KCNN2: variants seen among roughly 807,000 people sequenced by gnomAD.
KCNN2 encodes the protein potassium calcium-activated channel subfamily N member 2.
Under a neutral mutation model 55.5 loss-of-function variants are expected in KCNN2, and 24 were observed. That is an observed-to-expected ratio of 0.43 (90% CI 0.31 to 0.61). KCNN2 has a LOEUF of 0.61. KCNN2 is among the 20% of genes least tolerant of loss of function. The pLI is 0.08. For synonymous variants in KCNN2, 431 were observed against 336.1 expected (o/e 1.28, Z -3.09); for missense variants, 754 against 853.6 (o/e 0.88, Z 1.45).
chr5:114,159,074 T>C (rs1042788401), intron 1 of KCNN2, among the ~76,000 whole-genome samples: 1 of 152,194 alleles, frequency 6.6e-6, no homozygotes, highest in African/African-American at 2.4e-5. Flanking sequence ...GCATCCTGTC[T>C]TGTGCCAGTT....
At chr5:114,477,001 A>G (rs1761996066) in intron 5 of KCNN2, among the ~76,000 whole-genome samples, 1 of 152,246 alleles carries the variant, frequency 6.6e-6, no homozygotes, top group Non-Finnish European at 1.5e-5. Flanking sequence ...AACTTTTAAA[A>G]TAATTCTAAA....
intron 2 of KCNN2, among the ~76,000 whole-genome samples, chr5:114,354,091 T>C: frequency 6.6e-6 from 1 of 151,998 alleles, no homozygotes; most frequent in East Asian, 1.9e-4. Flanking sequence ...TCTGAGGTGC[T>C]GGGGGTTTTC....
At chr5:114,166,990 C>A (rs1417267246) in intron 1 of KCNN2, among the ~76,000 whole-genome samples, 1 of 152,166 alleles carries the variant, frequency 6.6e-6, no homozygotes, top group East Asian at 1.9e-4. Flanking sequence ...TAATCTTAGA[C>A]TTTCCAGCCT....
intron 2 of KCNN2, among the ~76,000 whole-genome samples, chr5:114,375,504 A>G (rs1473129132): frequency 1.3e-5 from 2 of 152,202 alleles, no homozygotes; most frequent in Non-Finnish European, 2.9e-5. Context: ...AAGGTAAATC[A>G]TCTGTCACTT....
intron 1 of KCNN2, among the ~76,000 whole-genome samples, chr5:114,075,439 A>G (rs550255601): frequency 5.6e-4 from 86 of 152,360 alleles, no homozygotes; most frequent in African/African-American, 2.0e-3. Flanking sequence ...CTGAAGACTC[A>G]CAAATTTCAT....
chr5:114,226,080 G>A (rs919747661), intron 2 of KCNN2, among the ~76,000 whole-genome samples: 3 of 151,982 alleles, frequency 2.0e-5, no homozygotes, highest in Non-Finnish European at 4.4e-5. Context: ...GAAGAGCAGA[G>A]TGGGAAATAC....
At chr5:114,228,324 C>T (rs1226974171) in intron 2 of KCNN2, among the ~76,000 whole-genome samples, 2 of 151,866 alleles carry the variant, frequency 1.3e-5, no homozygotes, top group Non-Finnish European at 2.9e-5. Context: ...TATGTAACAG[C>T]ATGTAGAGTA....
intron 3 of KCNN2, among the ~76,000 whole-genome samples, chr5:114,448,792 A>G (rs556642381): frequency 6.6e-6 from 1 of 152,330 alleles, no homozygotes; most frequent in East Asian, 1.9e-4. Flanking sequence ...TCTACGTAGG[A>G]ATTTTCATTT....
intron 2 of KCNN2, among the ~76,000 whole-genome samples, chr5:114,234,075 T>C (rs1269884359): frequency 3.3e-5 from 5 of 152,156 alleles, no homozygotes; most frequent in African/African-American, 1.2e-4. Context: ...ATTTGATTTT[T>C]TCCTCACCTA....
At chr5:114,298,274 G>A (rs1284828807) in intron 2 of KCNN2, among the ~76,000 whole-genome samples, 1 of 152,228 alleles carries the variant, frequency 6.6e-6, no homozygotes, top group African/African-American at 2.4e-5. Flanking sequence ...AGTACTCTCA[G>A]TTGGAGGACC....
Position 114,131,435 on chromosome 5 carries a change from C to T in KCNN2, c.-271+74935C>T, listed in dbSNP as rs1037072487. On this transcript the variant is annotated intron_variant, in intron 1 of 10. Transcript: ENST00000512097. ...GAGGATAATGACTTCCAGCTCCTTC[C>T]ATGTCTCTGCAAAGTACATAATCTA... Among the ~76,000 whole-genome samples the T allele has an allele frequency of 2.0e-5, 3 of 152,278 alleles. No homozygotes were observed. The South Asian group carries it at 6.2e-4, about 32-fold the overall frequency.
At chr5:114,349,138 A>T (rs1017258515) in intron 2 of KCNN2, among the ~76,000 whole-genome samples, 3 of 152,076 alleles carry the variant, frequency 2.0e-5, no homozygotes, top group Non-Finnish European at 4.4e-5. Context: ...TATTCTGGAC[A>T]TTTCCTATAT....
rs1278058551 is a variant in KCNN2, at chr5:114,123,403, C to T, written c.-271+66903C>T. On this transcript the variant is annotated intron_variant, in intron 1 of 10. Coordinates refer to the KCNN2 transcript ENST00000512097. ...TTTGAGACAGAGTCTCGCTCTGTTG[C>T]CCAGGCTGGAGTGCAGTGGCGCGAT... is the stretch of plus-strand genomic sequence containing the variant. 5.4e-5 allele frequency among the ~76,000 whole-genome samples: 3 copies of T among 55,314 alleles called. 1 individual carries two copies. Among genetic ancestry groups the T allele is most frequent in the African/African-American group, 1.2e-4 (1 of 8,276 alleles). 36.3% of individuals were successfully genotyped at this position (55,314 alleles called of 152,430 possible). A position where few individuals can be genotyped will look rare whatever the true frequency, so the allele number is the denominator to read the frequency against.
chr5:114,452,201 A>G (rs932730908), intron 3 of KCNN2, among the ~76,000 whole-genome samples: 10 of 152,208 alleles, frequency 6.6e-5, no homozygotes, highest in Admixed American at 6.5e-4. Flanking sequence ...ATAAAACTAC[A>G]GCATTTATAC....
At chr5:114,287,580 A>AC (rs1755779931) in intron 2 of KCNN2, among the ~76,000 whole-genome samples, 1 of 148,400 alleles carries the variant, frequency 6.7e-6, no homozygotes, top group Non-Finnish European at 1.5e-5. Flanking sequence ...GGGGAACAAC[A>AC]CACATTGGGG....
chr5:114,190,499 T>C (rs566454014), intron 1 of KCNN2, among the ~76,000 whole-genome samples: 5 of 152,292 alleles, frequency 3.3e-5, no homozygotes, highest in African/African-American at 1.2e-4. Flanking sequence ...TTTATTTACA[T>C]TCATAAGCAC....
At chr5:114,234,325 T>C (rs571989570) in intron 2 of KCNN2, among the ~76,000 whole-genome samples, 1 of 152,348 alleles carries the variant, frequency 6.6e-6, no homozygotes, top group Admixed American at 6.5e-5. Flanking sequence ...CAGAGAAGAC[T>C]GACCTTGTGC....
At chr5:114,377,677 G>A (rs1757985442) in intron 2 of KCNN2, among the ~76,000 whole-genome samples, 1 of 152,110 alleles carries the variant, frequency 6.6e-6, no homozygotes, top group Admixed American at 6.5e-5. Flanking sequence ...GAAGAACTTT[G>A]GCTCTGGATC....
chr5:114,289,392 CAG>C (rs1362484131), intron 2 of KCNN2, among the ~76,000 whole-genome samples: 1 of 134,910 alleles, frequency 7.4e-6, no homozygotes, highest in African/African-American at 2.7e-5. Flanking sequence ...TTTTTTGAGA[CAG>C]AGTCTCACTC....
Sources: allele counts gnomAD v4.1 joint callset (sites outside exome capture counted in the v4.1 genomes callset), GRCh38; gene constraint gnomAD v4.1.1; transcripts MANE v1.5; gene names NCBI Gene and HGNC (gene_info 2026-07-23, HGNC 2026-07-21).